The following PRKCB variants were observed in gnomAD, a reference collection of about 807,000 sequenced individuals.
The protein encoded by PRKCB is protein kinase C beta type.
PRKCB carries 13 observed loss-of-function variants against 81.5 expected under a neutral mutation model. That is an observed-to-expected ratio of 0.16 (90% CI 0.10 to 0.25). The LOEUF (loss-of-function observed/expected upper bound fraction) is 0.25, where lower values mean the gene tolerates loss of function less well. Ranked by LOEUF, PRKCB falls within the 10% of genes least tolerant of loss-of-function variation. The probability of loss-of-function intolerance (pLI) is 1.00; values close to 1 mark genes in which losing one functional copy is unlikely to be tolerated. For missense variants in PRKCB, 509 were observed against 875.7 expected, an observed-to-expected ratio of 0.58 and a Z score of 5.29; for synonymous variants, 335 against 321.4, an observed-to-expected ratio of 1.04 and a Z score of -0.45.
intron 2 of PRKCB, among the ~76,000 whole-genome samples, chr16:23,949,634 A>G (rs1330025640): frequency 6.6e-6 from 1 of 152,162 alleles, no homozygotes; most frequent in Non-Finnish European, 1.5e-5. Context: ...GCTCGGTGCC[A>G]CTTACAGTTC....
At chr16:24,121,868 C>T (rs564942175) in intron 8 of PRKCB, among the ~76,000 whole-genome samples, 1 of 152,310 alleles carries the variant, frequency 6.6e-6, no homozygotes, top group South Asian at 2.1e-4. Context: ...TCATCATCTC[C>T]ATGTCTTGAA....
chr16:23,849,372 A>T (rs1962433217), intron 2 of PRKCB, among the ~76,000 whole-genome samples: 1 of 152,124 alleles, frequency 6.6e-6, no homozygotes, highest in African/African-American at 2.4e-5. Flanking sequence ...TCTCATTGGG[A>T]TAGTCAGGGC....
At chr16:24,174,263 C>T (rs1402614841) in intron 11 of PRKCB, 1 of 421,996 alleles carries the variant, frequency 2.4e-6, no homozygotes, top group Non-Finnish European at 4.3e-6. Flanking sequence ...TTCATCATAT[C>T]CCATGTCCCC....
intron 5 of PRKCB, among the ~76,000 whole-genome samples, chr16:24,081,220 C>T (rs937466593): frequency 3.3e-5 from 5 of 151,104 alleles, no homozygotes; most frequent in South Asian, 2.1e-4. Flanking sequence ...AAATACACTC[C>T]GTCCAAATGA....
intron 3 of PRKCB, among the ~76,000 whole-genome samples, chr16:24,021,797 C>T (rs1464687575): frequency 6.6e-6 from 1 of 152,156 alleles, no homozygotes; most frequent in African/African-American, 2.4e-5. Flanking sequence ...CAGTCTAACT[C>T]CTCCATCACT....
chr16:24,104,931 C>A (rs1195998434), intron 7 of PRKCB, among the ~76,000 whole-genome samples: 2 of 152,172 alleles, frequency 1.3e-5, no homozygotes, highest in Non-Finnish European at 2.9e-5. Context: ...ATTGAACTGA[C>A]CTTTGCATAT....
chr16:24,192,513 A>G (rs940192349), intron 16 of PRKCB, among the ~76,000 whole-genome samples: 1 of 152,238 alleles, frequency 6.6e-6, no homozygotes, highest in African/African-American at 2.4e-5. Context: ...CAGGGAACTC[A>G]GAGGTGAGAT....
chr16:24,174,631 C>A (rs374193318), intron 12 of PRKCB, 51 bp downstream of exon 12: 96 of 1,457,462 alleles, frequency 6.6e-5, no homozygotes, highest in Non-Finnish European at 9.0e-5. Context: ...TCAGCTCCTC[C>A]CTGCCCTGCC....
chr16:23,866,179 A>G (rs8059885), intron 2 of PRKCB, among the ~76,000 whole-genome samples: 147,211 of 152,304 alleles, frequency 0.97, 71,178 homozygotes, highest in East Asian at 1. Flanking sequence ...GCAAAAGCCA[A>G]GTGTGCCTTG....
intron 2 of PRKCB, among the ~76,000 whole-genome samples, chr16:23,840,452 C>T (rs1331761996): frequency 1.3e-5 from 2 of 152,178 alleles, no homozygotes; most frequent in Non-Finnish European, 2.9e-5. Flanking sequence ...GGGCATATAG[C>T]ACATGCTCGG....
At chr16:23,850,158 T>G (rs1962449438) in intron 2 of PRKCB, among the ~76,000 whole-genome samples, 1 of 152,218 alleles carries the variant, frequency 6.6e-6, no homozygotes, top group Non-Finnish European at 1.5e-5. Flanking sequence ...TCTCTCTTTT[T>G]TTTAAAGTCT....
chr16:23,949,625 C>G (rs1964249807), intron 2 of PRKCB, among the ~76,000 whole-genome samples: 1 of 152,140 alleles, frequency 6.6e-6, no homozygotes, highest in South Asian at 2.1e-4. Flanking sequence ...TGGGTGTTTG[C>G]TCGGTGCCAC....
In PRKCB at chr16:23,899,737, A is replaced by C. The variant is rs1264052847; in HGVS notation, c.205+62331A>C. Among the ~76,000 whole-genome samples, 3 of 78,748 alleles carry C rather than the reference A, an allele frequency of 3.8e-5. 1 individual carries two copies. The highest frequency in any genetic ancestry group is 9.2e-5 in the Non-Finnish European group (3 of 32,558). The allele number at this position is 78,748 out of a possible 152,430, so 51.7% of individuals were successfully genotyped here. Reference sequence around the variant, plus strand: ...TCACTATATTCAAAATCCTGGGCTCATGCGATCCTCCCACCTCAGCCTTCT... The same window carrying C: ...TCACTATATTCAAAATCCTGGGCTCCTGCGATCCTCCCACCTCAGCCTTCT... On this transcript the variant is annotated intron_variant, in intron 2 of 16. Coordinates refer to ENST00000643927, the MANE Select transcript of PRKCB (RefSeq NM_002738.7).
In PRKCB at chr16:24,095,212, G is replaced by A. The variant is rs12923448; in HGVS notation, c.821+915G>A. On this transcript the variant is annotated intron_variant, in intron 7 of 16. Transcript: ENST00000643927. The stretch of plus-strand genomic sequence containing the variant: ...AGATGGGAGAATTGCAATAGGGAAA[G>A]AGTTTTACACACATAGAGCCAGCTA... Among the ~76,000 whole-genome samples the A allele has an allele frequency of 5.3e-3, 811 of 152,296 alleles. 2 individuals carry two copies. Among genetic ancestry groups the A allele is most frequent in the Admixed American group, 6.8e-3 (104 of 15,300 alleles).
Position 24,216,031 on chromosome 16 carries a change from A to G in PRKCB, c.*1215A>G. 1.0e-6 allele frequency: 1 copy of G among 985,338 alleles called. No individual in the cohort carries two copies. The highest frequency in any genetic ancestry group is 1.2e-6 in the Non-Finnish European group (1 of 829,856). 61.0% of individuals were successfully genotyped at this position (985,338 alleles called of 1,614,324 possible). ...AGAAGAAGAAATACTATTTCAAGGA[A>G]AACTGCTCTTTTTGAGAAACGTGGA... On this transcript the variant is annotated 3_prime_UTR_variant, in exon 17 of 17. Coordinates refer to ENST00000643927, the MANE Select transcript of PRKCB (RefSeq NM_002738.7).
chr16:24,072,470 C>T (rs568313102), intron 5 of PRKCB, among the ~76,000 whole-genome samples: 1 of 152,016 alleles, frequency 6.6e-6, no homozygotes, highest in Non-Finnish European at 1.5e-5. Context: ...TGGGGGTCTC[C>T]AACTCCTGGC....
chr16:24,137,314 G>A (rs915226615), intron 9 of PRKCB, among the ~76,000 whole-genome samples: 2 of 151,216 alleles, frequency 1.3e-5, no homozygotes, highest in African/African-American at 4.9e-5. Context: ...TCAGCCTCCC[G>A]ACTAGCTGGG....
Position 24,218,666 on chromosome 16 carries a change from C to G in PRKCB, c.*3850C>G, listed in dbSNP as rs970198939. ...CCCAGCAATGAGAGATCCTTAACAGCTAGTGCCCATTAGGGGGCTAAACCT... is the reference window on the plus strand; with the variant it reads ...CCCAGCAATGAGAGATCCTTAACAGGTAGTGCCCATTAGGGGGCTAAACCT... On this transcript the variant is annotated 3_prime_UTR_variant, in exon 17 of 17. Transcript: ENST00000643927. 3.0e-5 allele frequency: 30 copies of G among 985,264 alleles called. No individual in the cohort carries two copies. The African/African-American group carries it at 3.7e-4, about 12-fold the overall frequency. 61.0% of individuals were successfully genotyped at this position (985,264 alleles called of 1,614,324 possible).
At chr16:24,118,367 T>C (rs1398493603) in intron 8 of PRKCB, among the ~76,000 whole-genome samples, 1 of 152,264 alleles carries the variant, frequency 6.6e-6, no homozygotes, top group Admixed American at 6.5e-5. Context: ...GTTATAATTA[T>C]TGTCTCCCCC....
Sources: gnomAD v4.1 joint callset for allele counts (sites outside exome capture counted in the v4.1 genomes callset) on GRCh38, gnomAD v4.1.1 for gene constraint, MANE v1.5 for transcripts, NCBI Gene and HGNC (gene_info 2026-07-23, HGNC 2026-07-21) for gene names.